PCLO: variants seen among roughly 807,000 people sequenced by gnomAD.
The protein encoded by PCLO is piccolo presynaptic cytomatrix protein, also known as protein piccolo.
Under a neutral mutation model 427.5 loss-of-function variants are expected in PCLO, and 82 were observed. The ratio of observed to expected loss-of-function variants is 0.19; its 90% CI spans 0.16 to 0.23. PCLO has a LOEUF of 0.23. Among genes scored for constraint, PCLO ranks in the 10% least tolerant of loss-of-function variants. PCLO has a pLI of 1.00. For synonymous variants in PCLO, 2,357 were observed against 2,155.4 expected, an observed-to-expected ratio of 1.09 and a Z score of -2.59; for missense variants, 6,239 against 6,115.9, an observed-to-expected ratio of 1.02 and a Z score of -0.67.
chr7:82,834,879 G>C (rs887061704), intron 16 of PCLO, among the ~76,000 whole-genome samples: 4 of 151,970 alleles, frequency 2.6e-5, no homozygotes, highest in Non-Finnish European at 4.4e-5. Context: ...TGGGGCAGAA[G>C]TTACAAAGGC....
chr7:83,042,163 A>G lies in PCLO; in HGVS notation c.3301-75676T>C, dbSNP rs541765792. On this transcript the variant is annotated intron_variant, in intron 3 of 24. Coordinates refer to ENST00000333891, the MANE Select transcript of PCLO (RefSeq NM_033026.6). Reference sequence around the variant, plus strand: ...GTTAATAATATTATTTTTAAAATTAATATATCATACTACTCTAGTTATTTT... The same window carrying G: ...GTTAATAATATTATTTTTAAAATTAGTATATCATACTACTCTAGTTATTTT... 1.4e-3 allele frequency among the ~76,000 whole-genome samples: 210 copies of G among 152,254 alleles called. 1 individual carries two copies. The highest frequency in any genetic ancestry group is 4.9e-3 in the African/African-American group (202 of 41,580).
chr7:82,847,226 T>C lies in PCLO; in HGVS notation c.13676A>G (p.Asn4559Ser). Reference sequence around the variant, plus strand: ...TGTTTTAGAAGTCAAGGGAATTCCATTCCATTCCAATACTTGCATCCCTAG... The same window carrying C: ...TGTTTTAGAAGTCAAGGGAATTCCACTCCATTCCAATACTTGCATCCCTAG... ...LMEGMQVLEW[N>S]GIPLTSKTYE... Residue 4559 changes from asparagine to serine, a missense_variant, in exon 11 of 25, where the codon AAT becomes AGT. Around this residue, in one of 5 missense-constraint regions of PCLO, gnomAD observed 877 missense variants for 925.5 expected, o/e 0.95. Transcript: ENST00000333891. 2 of 1,590,746 alleles carry C rather than the reference T, an allele frequency of 1.3e-6. No individual in the cohort carries two copies. Among genetic ancestry groups the C allele is most frequent in the Non-Finnish European group, 1.7e-6 (2 of 1,165,792 alleles).
At chr7:82,976,244 T>A (rs1186905840) in intron 3 of PCLO, among the ~76,000 whole-genome samples, 1 of 152,120 alleles carries the variant, frequency 6.6e-6, no homozygotes, top group Non-Finnish European at 1.5e-5. Context: ...AGCTTGTCCA[T>A]AGGCATTTAG....
At chr7:82,828,990 A>G (rs373944450) in intron 16 of PCLO, among the ~76,000 whole-genome samples, 2 of 152,112 alleles carry the variant, frequency 1.3e-5, no homozygotes, top group African/African-American at 4.8e-5. Flanking sequence ...GACTCTTGTA[A>G]TCTGTAGTTC....
At chr7:83,096,025 C>A (rs1821566692) in intron 3 of PCLO, among the ~76,000 whole-genome samples, 1 of 146,492 alleles carries the variant, frequency 6.8e-6, no homozygotes, top group Admixed American at 7.1e-5. Flanking sequence ...TCACTTTCTT[C>A]ATAGATATAT....
chr7:82,879,199 A>G, intron 10 of PCLO, 138 bp downstream of exon 10: 1 of 577,270 alleles, frequency 1.7e-6, no homozygotes, highest in Non-Finnish European at 2.8e-6. Flanking sequence ...TCATATTACT[A>G]TACCAAAATT....
chr7:82,761,280 A>T, intron 23 of PCLO, 79 bp downstream of exon 23: 1 of 773,256 alleles, frequency 1.3e-6, no homozygotes, highest in Non-Finnish European at 2.0e-6. Context: ...TTCAAATTTT[A>T]GTTAACATTT....
At chr7:83,146,299 C>T (rs1243806592) in intron 2 of PCLO, among the ~76,000 whole-genome samples, 1 of 152,104 alleles carries the variant, frequency 6.6e-6, no homozygotes, top group African/African-American at 2.4e-5. Flanking sequence ...GGACCAGAAC[C>T]CATATTGTTT....
intron 3 of PCLO, among the ~76,000 whole-genome samples, chr7:83,084,035 G>T (rs948882109): frequency 6.6e-6 from 1 of 152,076 alleles, no homozygotes; most frequent in Non-Finnish European, 1.5e-5. Flanking sequence ...GAAGATGAAG[G>T]CTGGATGAAG....
chr7:82,828,892 A>G (rs1380948644), intron 16 of PCLO, among the ~76,000 whole-genome samples: 10 of 152,158 alleles, frequency 6.6e-5, no homozygotes, highest in Admixed American at 6.6e-4. Context: ...TGGGCACTAG[A>G]GTCCTGTAAA....
chr7:82,787,319 A>C (rs929700264), intron 22 of PCLO, among the ~76,000 whole-genome samples: 1 of 151,892 alleles, frequency 6.6e-6, no homozygotes, highest in Non-Finnish European at 1.5e-5. Flanking sequence ...GTTTTGATTT[A>C]CATTTCTCTA....
chr7:83,007,740 T>G (rs1207864365), intron 3 of PCLO, among the ~76,000 whole-genome samples: 2 of 151,618 alleles, frequency 1.3e-5, no homozygotes, highest in African/African-American at 4.8e-5. Context: ...CTTATGGTTA[T>G]GAAATAATGG....
chr7:83,161,006 C>G (rs1163816466), intron 1 of PCLO, among the ~76,000 whole-genome samples: 1 of 152,032 alleles, frequency 6.6e-6, no homozygotes, highest in East Asian at 1.9e-4. Flanking sequence ...AAGACTTTTT[C>G]CAAATAGCCC....
chr7:82,974,486 A>C (rs1795972556), intron 3 of PCLO, among the ~76,000 whole-genome samples: 1 of 152,180 alleles, frequency 6.6e-6, no homozygotes, highest in Non-Finnish European at 1.5e-5. Context: ...ATGATGCGCT[A>C]AACTTATGGG....
chr7:83,050,269 T>TC, intron 3 of PCLO, among the ~76,000 whole-genome samples: 1 of 39,882 alleles, frequency 2.5e-5, no homozygotes, highest in South Asian at 9.1e-4. Flanking sequence ...AGAAGTGCTT[T>TC]TTAAAAAAAA....
intron 3 of PCLO, among the ~76,000 whole-genome samples, chr7:83,058,796 A>G (rs1789466395): frequency 6.6e-6 from 1 of 152,094 alleles, no homozygotes; most frequent in Non-Finnish European, 1.5e-5. Context: ...CTTAACAACT[A>G]TGCAATGTTA....
intron 10 of PCLO, among the ~76,000 whole-genome samples, chr7:82,873,160 T>G (rs936168937): frequency 6.7e-6 from 1 of 149,998 alleles, no homozygotes; most frequent in Non-Finnish European, 1.5e-5. Context: ...ACATGGCTGT[T>G]TGCTATATTA....
chr7:83,004,166 CA>C (rs1370118566), intron 3 of PCLO, among the ~76,000 whole-genome samples: 8 of 151,706 alleles, frequency 5.3e-5, no homozygotes, highest in African/African-American at 1.9e-4. Flanking sequence ...AAAATCCTAA[CA>C]TTTGTACGGA....
chr7:82,771,333 G>C (rs1249020084), intron 22 of PCLO, among the ~76,000 whole-genome samples: 1 of 151,832 alleles, frequency 6.6e-6, no homozygotes, highest in Non-Finnish European at 1.5e-5. Context: ...GATAGAATTT[G>C]TTAAGTTCTT....
Sources: allele counts gnomAD v4.1 joint callset (sites outside exome capture counted in the v4.1 genomes callset), GRCh38; gene constraint gnomAD v4.1.1; regional missense constraint gnomAD v4.1.1; transcripts MANE v1.5; gene names NCBI Gene and HGNC (gene_info 2026-07-23, HGNC 2026-07-21).